The following RSF1 variants were observed in gnomAD, a reference collection of about 807,000 sequenced individuals.
RSF1 encodes HBV pX-associated protein 8.
In RSF1, 13 loss-of-function variants were observed where a neutral mutation model predicts 145.2. The observed-to-expected ratio is 0.09, with a 90% CI of 0.06 to 0.14. The LOEUF (loss-of-function observed/expected upper bound fraction) is 0.14. Among genes scored for constraint, RSF1 ranks in the 10% least tolerant of loss-of-function variants. RSF1 has a pLI of 1.00. For synonymous variants in RSF1, 577 were observed against 592.6 expected, an observed-to-expected ratio of 0.97 and a Z score of 0.38; for missense variants, 1,517 against 1,718.2, an observed-to-expected ratio of 0.88 and a Z score of 2.07.
the RSF1 span, among the ~76,000 whole-genome samples, chr11:77,833,705 A>G: frequency 6.6e-6 from 1 of 152,178 alleles, no homozygotes; most frequent in Non-Finnish European, 1.5e-5. Flanking sequence ...TGTACCTATT[A>G]GAATGTTTAT....
At chr11:77,864,880 G>C in the RSF1 span, among the ~76,000 whole-genome samples, 1 of 152,180 alleles carries the variant, frequency 6.6e-6, no homozygotes. Flanking sequence ...GGGAGGCTGA[G>C]GTGGGAGGAT....
chr11:77,710,270 C>A (rs1255171135), intron 5 of RSF1, among the ~76,000 whole-genome samples: 1 of 151,934 alleles, frequency 6.6e-6, no homozygotes, highest in African/African-American at 2.4e-5. Flanking sequence ...ATATGTATTA[C>A]CTCACAATAT....
rs1960400565 is a variant in RSF1, at chr11:77,700,774, T to G, written c.2455A>C (p.Lys819Gln). ...TCTGATTTTTTCAAAATTTCCTTTTTGTCAGTTTTTTGCAAAGCTGTTGAC... is the reference window on the plus strand; with the variant it reads ...TCTGATTTTTTCAAAATTTCCTTTTGGTCAGTTTTTTGCAAAGCTGTTGAC... ...EESTALQKTD[K>Q]KEILKKSEKD... The change falls in exon 6 of 16, where the codon AAA becomes CAA. Residue 819 changes from lysine to glutamine, a missense_variant. By Grantham distance (53) the Lys-to-Gln change is moderately conservative. This residue lies in a region of RSF1 where 579 missense variants were observed against 553.5 expected (regional missense o/e 1.05). Coordinates refer to ENST00000308488, the MANE Select transcript of RSF1 (RefSeq NM_016578.4). The G allele has an allele frequency of 2.5e-6, 4 of 1,591,020 alleles. No individual in the cohort carries two copies. Among genetic ancestry groups the G allele is most frequent in the Non-Finnish European group, 3.4e-6 (4 of 1,175,292 alleles).
intron 14 of RSF1, 109 bp downstream of exon 14, chr11:77,674,926 GA>G: frequency 1.3e-6 from 1 of 799,522 alleles, no homozygotes; most frequent in Non-Finnish European, 1.9e-6. Context: ...TTGAACCCGG[GA>G]CACAGAGGTT....
the RSF1 span, among the ~76,000 whole-genome samples, chr11:77,844,555 TCTCACTACATTGCCCAGGCTGGTCTTGAA>T: frequency 6.6e-6 from 1 of 151,878 alleles, no homozygotes; most frequent in South Asian, 2.1e-4. Flanking sequence ...AGAGATGAGG[TCTCACTACATTGCCCAGGCTGGTCTTGAA>T]CTCCTGACCC....
intron 1 of RSF1, 32 bp downstream of exon 1, chr11:77,820,496 C>G: frequency 6.5e-7 from 1 of 1,543,772 alleles, no homozygotes; most frequent in South Asian, 1.2e-5. Context: ...GCCAGGGCCG[C>G]TTCCCGCCGG....
chr11:77,667,908 T>C (rs1042670170), intron 15 of RSF1, among the ~76,000 whole-genome samples: 2 of 152,088 alleles, frequency 1.3e-5, no homozygotes, highest in African/African-American at 4.8e-5. Flanking sequence ...TTTCACTATG[T>C]TGGCCAAGCT....
chr11:77,691,212 T>C lies in RSF1; in HGVS notation c.2847A>G (p.Glu949=), dbSNP rs1305820631. ...AGGCAACATCCAAATCCTGCAACTG[T>C]TCCTCTAATTTTTCACAGAGCAGTT... ...QHKLLCEKLE[E]QLQDLDVALK... Residue 949 remains glutamate, a synonymous_variant, in exon 9 of 16, where the codon GAA becomes GAG. Coordinates refer to ENST00000308488, the MANE Select transcript of RSF1 (RefSeq NM_016578.4). 1.2e-6 allele frequency: 2 copies of C among 1,614,056 alleles called. No homozygotes were observed. Among genetic ancestry groups the C allele is most frequent in the Admixed American group, 1.7e-5 (1 of 60,004 alleles).
At chr11:77,850,815 C>T in the RSF1 span, 4 of 151,854 alleles carry the variant, frequency 2.6e-5, no homozygotes, top group African/African-American at 9.7e-5. Flanking sequence ...CATACACTCA[C>T]ACTTTGTCCC....
chr11:77,721,037 C>T (rs1355782935), intron 5 of RSF1, among the ~76,000 whole-genome samples: 3 of 151,674 alleles, frequency 2.0e-5, no homozygotes, highest in African/African-American at 7.2e-5. Flanking sequence ...AAAAACTTAT[C>T]TTACTGAGTT....
At position 77,753,865 on chromosome 11, in the gene RSF1, T is replaced by A. The variant is rs184429599; in HGVS notation, c.280-6737A>T. ...GATAACCAGTGGCTCCACGTGGACC[T>A]GCCAATCTGTGGCCCCACCCAGCAA... On this transcript the variant is annotated intron_variant, in intron 2 of 15. Coordinates refer to ENST00000308488, the MANE Select transcript of RSF1 (RefSeq NM_016578.4). 1.9e-3 allele frequency among the ~76,000 whole-genome samples: 282 copies of A among 152,318 alleles called. 4 individuals are homozygous for A. The highest frequency in any genetic ancestry group is 0.013 in the Admixed American group (205 of 15,306).
At chr11:77,822,584 A>G (rs1397730979), upstream of RSF1, among the ~76,000 whole-genome samples, 2 of 152,152 alleles carry the variant, frequency 1.3e-5, no homozygotes, top group Non-Finnish European at 2.9e-5. Flanking sequence ...TCCAGGTTTT[A>G]AAAAGGGGAA....
At chr11:77,686,427 A>AAAAAAAAAAAAAAAC (rs1393704716) in intron 9 of RSF1, among the ~76,000 whole-genome samples, 1 of 150,186 alleles carries the variant, frequency 6.7e-6, no homozygotes, top group African/African-American at 2.4e-5. Flanking sequence ...AAAAAAAAAA[A>AAAAAAAAAAAAAAAC]AGCAGGTGTT....
the RSF1 span, among the ~76,000 whole-genome samples, chr11:77,831,129 A>C: frequency 2.6e-5 from 4 of 152,162 alleles, no homozygotes; most frequent in Non-Finnish European, 2.9e-5. Flanking sequence ...TGGACAACAA[A>C]GCAAGACCCT....
chr11:77,842,314 C>A, the RSF1 span, among the ~76,000 whole-genome samples: 1 of 152,162 alleles, frequency 6.6e-6, no homozygotes, highest in Non-Finnish European at 1.5e-5. Flanking sequence ...TTCAGGATTC[C>A]AGGAATAATA....
At chr11:77,810,594 T>C (rs1948721145) in intron 1 of RSF1, among the ~76,000 whole-genome samples, 1 of 152,168 alleles carries the variant, frequency 6.6e-6, no homozygotes, top group Admixed American at 6.5e-5. Flanking sequence ...GGAGTCTCCC[T>C]CTGTTGCCCA....
intron 1 of RSF1, among the ~76,000 whole-genome samples, chr11:77,780,881 T>C (rs1446696893): frequency 6.6e-6 from 1 of 151,934 alleles, no homozygotes; most frequent in East Asian, 1.9e-4. Context: ...ATGCTCCACT[T>C]TGCAGTCAGT....
chr11:77,671,181 A>G (rs56062010), intron 15 of RSF1, among the ~76,000 whole-genome samples: 13 of 101,382 alleles, frequency 1.3e-4, no homozygotes, highest in African/African-American at 4.6e-4. Context: ...ATATATATTT[A>G]TATGTATATA....
chr11:77,691,701 A>G (rs1960154426), intron 8 of RSF1: 1 of 152,902 alleles, frequency 6.5e-6, no homozygotes. Context: ...AACCAGTTAC[A>G]GATTTTTTTG....
Sources: allele counts gnomAD v4.1 joint callset (sites outside exome capture counted in the v4.1 genomes callset), GRCh38; gene constraint gnomAD v4.1.1; regional missense constraint gnomAD v4.1.1; transcripts MANE v1.5; gene names NCBI Gene and HGNC (gene_info 2026-07-23, HGNC 2026-07-21).